The following ADAMTS17 variants were observed in gnomAD, a reference collection of about 807,000 sequenced individuals.
The protein encoded by ADAMTS17 is ADAM metallopeptidase with thrombospondin type 1 motif 17.
In ADAMTS17, 113 loss-of-function variants were observed where a neutral mutation model predicts 141.5. The ratio of observed to expected loss-of-function variants is 0.80; its 90% CI spans 0.69 to 0.93. The LOEUF (loss-of-function observed/expected upper bound fraction) is 0.93. Among genes scored for constraint, ADAMTS17 ranks in the 40% least tolerant of loss-of-function variants. The pLI, the probability that ADAMTS17 is intolerant of heterozygous loss-of-function variation, is 0.00. For missense variants in ADAMTS17, 1,659 were observed against 1,517.9 expected (o/e 1.09, Z -1.54); for synonymous variants, 768 against 630.6 (o/e 1.22, Z -3.27).
At chr15:99,995,237 C>A (rs184779255) in intron 19 of ADAMTS17, among the ~76,000 whole-genome samples, 38 of 152,308 alleles carry the variant, frequency 2.5e-4, no homozygotes, top group African/African-American at 9.1e-4. Context: ...TGTGGGCTAC[C>A]CCTGGCACCA....
intron 10 of ADAMTS17, among the ~76,000 whole-genome samples, chr15:100,133,734 T>TGGAAGAG (rs1185390373): frequency 6.6e-6 from 1 of 152,174 alleles, no homozygotes; most frequent in Non-Finnish European, 1.5e-5. Context: ...GAGGGCTTGC[T>TGGAAGAG]GGAAGAGGCA....
chr15:100,113,677 C>T (rs959211766), intron 13 of ADAMTS17, among the ~76,000 whole-genome samples: 6 of 152,230 alleles, frequency 3.9e-5, no homozygotes, highest in African/African-American at 4.8e-5. Flanking sequence ...ATGCAAGCTT[C>T]GGAGACCACA....
chr15:100,013,770 G>A (rs1486900277), intron 18 of ADAMTS17, among the ~76,000 whole-genome samples: 1 of 152,114 alleles, frequency 6.6e-6, no homozygotes, highest in Non-Finnish European at 1.5e-5. Flanking sequence ...TTGATATGTT[G>A]CTGGATTCAG....
In ADAMTS17 at chr15:100,051,585, C is replaced by T. The variant is rs2141589734; in HGVS notation, c.2442G>A (p.Val814=). The change falls in exon 17 of 22, where the codon GTG becomes GTA. Residue 814 remains valine (V), a synonymous_variant. Coordinates refer to ENST00000268070, the MANE Select transcript of ADAMTS17 (RefSeq NM_139057.4). ...ACGGCCACTCACCTCCGCCGCACTG[C>T]ACACTGCACCCTTCCCAGCCGCTGT... The part of the protein sequence containing the change: ...WTHSGWEGCS[V]QCGGGERRTI... 1 of 1,613,838 alleles carries T rather than the reference C, an allele frequency of 6.2e-7. No individual in the cohort carries two copies. The highest frequency in any genetic ancestry group is 1.3e-5 in the African/African-American group (1 of 75,050).
At chr15:100,142,540 A>T (rs2038708252) in intron 10 of ADAMTS17, among the ~76,000 whole-genome samples, 1 of 152,240 alleles carries the variant, frequency 6.6e-6, no homozygotes, top group Admixed American at 6.5e-5. Context: ...GCTACATGCT[A>T]AGTGCTTTAA....
intron 15 of ADAMTS17, among the ~76,000 whole-genome samples, chr15:100,084,409 T>A (rs1302298151): frequency 6.6e-6 from 1 of 152,208 alleles, no homozygotes; most frequent in Non-Finnish European, 1.5e-5. Flanking sequence ...AGACTCCACC[T>A]CTGGGGGCAG....
intron 8 of ADAMTS17, among the ~76,000 whole-genome samples, chr15:100,178,087 G>A (rs1175759046): frequency 1.3e-5 from 2 of 152,086 alleles, no homozygotes; most frequent in African/African-American, 4.8e-5. Context: ...TTCTTTCAGG[G>A]AGCAGATAGT....
intron 3 of ADAMTS17, among the ~76,000 whole-genome samples, chr15:100,328,234 C>G (rs1041495696): frequency 2.6e-5 from 4 of 152,106 alleles, no homozygotes; most frequent in African/African-American, 9.7e-5. Context: ...TGCAGATGTC[C>G]CAGTAAATTA....
chr15:100,315,219 C>T (rs1162246287), intron 3 of ADAMTS17, among the ~76,000 whole-genome samples: 1 of 152,198 alleles, frequency 6.6e-6, no homozygotes, highest in Non-Finnish European at 1.5e-5. Context: ...GTATCCACTG[C>T]AGGGATAAGG....
At chr15:100,158,355 A>G (rs1393230245) in intron 8 of ADAMTS17, among the ~76,000 whole-genome samples, 1 of 152,254 alleles carries the variant, frequency 6.6e-6, no homozygotes, top group East Asian at 1.9e-4. Flanking sequence ...TTTTAAAAAT[A>G]TATTCATCCT....
intron 4 of ADAMTS17, among the ~76,000 whole-genome samples, chr15:100,272,575 T>G (rs907120926): frequency 1.4e-5 from 1 of 69,532 alleles, no homozygotes; most frequent in East Asian, 4.4e-4. Context: ...GCATTCTCTC[T>G]GTCTCTCTCT....
At chr15:100,146,117 G>A (rs541832176) in intron 10 of ADAMTS17, among the ~76,000 whole-genome samples, 22 of 152,354 alleles carry the variant, frequency 1.4e-4, no homozygotes, top group African/African-American at 5.3e-4. Flanking sequence ...AGGTTGCACT[G>A]AGCTGAGATC....
At chr15:100,224,136 C>T (rs1214318750) in intron 7 of ADAMTS17, among the ~76,000 whole-genome samples, 3 of 152,046 alleles carry the variant, frequency 2.0e-5, no homozygotes, top group African/African-American at 7.3e-5. Flanking sequence ...TCTCTTTTGC[C>T]AACACCCACA....
At chr15:100,323,630 G>GA (rs1166607496) in intron 3 of ADAMTS17, among the ~76,000 whole-genome samples, 3 of 150,822 alleles carry the variant, frequency 2.0e-5, no homozygotes, top group Middle Eastern at 3.4e-3. Flanking sequence ...AGGAATAAAG[G>GA]AAAAAAAATA....
chr15:100,081,710 A>T (rs2034749211), intron 15 of ADAMTS17, among the ~76,000 whole-genome samples: 1 of 152,230 alleles, frequency 6.6e-6, no homozygotes, highest in Non-Finnish European at 1.5e-5. Flanking sequence ...GTAAACGTTT[A>T]CTCAAAGATT....
intron 12 of ADAMTS17, chr15:100,128,910 G>T (rs1379160486): frequency 6.6e-6 from 1 of 152,196 alleles, no homozygotes; most frequent in Non-Finnish European, 1.5e-5. Flanking sequence ...AAAAGCTCTG[G>T]AAAGCCTTGT....
chr15:100,077,181 C>T (rs2034433505), intron 15 of ADAMTS17, among the ~76,000 whole-genome samples: 1 of 150,912 alleles, frequency 6.6e-6, no homozygotes, highest in African/African-American at 2.4e-5. Flanking sequence ...CACTGGCTAA[C>T]CCCTGTAATC....
rs116516923 is a variant in ADAMTS17, at chr15:100,260,169, G to A, written c.1031+1310C>T. On this transcript the variant is annotated intron_variant, in intron 6 of 21. Transcript: ENST00000268070. ...TTATTCTGGGATTTTTGAAAGGAAC[G>A]AAAGCTGCACTGTCCGGTGTCTGGG... 7.5e-3 allele frequency among the ~76,000 whole-genome samples: 1,146 copies of A among 152,246 alleles called. 10 individuals are homozygous for A. The highest frequency in any genetic ancestry group is 0.026 in the African/African-American group (1,076 of 41,540).
chr15:100,255,014 GAA>G (rs35659824), intron 6 of ADAMTS17, among the ~76,000 whole-genome samples: 2 of 150,722 alleles, frequency 1.3e-5, no homozygotes, highest in African/African-American at 4.9e-5. Flanking sequence ...AAAGGTGAAG[GAA>G]AAAAAAAAAC....
Sources: allele counts gnomAD v4.1 joint callset (sites outside exome capture counted in the v4.1 genomes callset), GRCh38; gene constraint gnomAD v4.1.1; transcripts MANE v1.5; gene names NCBI Gene and HGNC (gene_info 2026-07-23, HGNC 2026-07-21).